BMPR1B: variants seen among roughly 807,000 people sequenced by gnomAD.
The protein encoded by BMPR1B is bone morphogenetic protein receptor type-1B.
In BMPR1B, 12 loss-of-function variants were observed where a neutral mutation model predicts 59.1. That is an observed-to-expected ratio of 0.20 (90% CI 0.13 to 0.33). BMPR1B has a LOEUF of 0.33. Ranked by LOEUF, BMPR1B falls within the 10% of genes least tolerant of loss-of-function variation. The pLI, the probability that BMPR1B is intolerant of heterozygous loss-of-function variation, is 1.00. For missense variants in BMPR1B, 550 were observed against 610.9 expected (o/e 0.90, Z 1.05); for synonymous variants, 237 against 207.3 (o/e 1.14, Z -1.23).
chr4:95,146,987 C>T (rs1734696676), intron 10 of BMPR1B, among the ~76,000 whole-genome samples: 1 of 152,130 alleles, frequency 6.6e-6, no homozygotes, highest in African/African-American at 2.4e-5. Flanking sequence ...ACATTTTAGC[C>T]TCTTTTTCCA....
intron 1 of BMPR1B, among the ~76,000 whole-genome samples, chr4:94,781,074 A>G (rs1722572620): frequency 6.6e-6 from 1 of 152,170 alleles, no homozygotes; most frequent in African/African-American, 2.4e-5. Flanking sequence ...TCTGATGGCT[A>G]ATGATATCAA....
intron 2 of BMPR1B, among the ~76,000 whole-genome samples, chr4:94,922,497 A>G (rs1299692696): frequency 3.9e-5 from 6 of 152,212 alleles, no homozygotes; most frequent in Non-Finnish European, 7.3e-5. Flanking sequence ...ATTAATTTCA[A>G]TAGTCTGTTG....
intron 1 of BMPR1B, among the ~76,000 whole-genome samples, chr4:94,835,031 A>G (rs1033342473): frequency 6.6e-6 from 1 of 151,564 alleles, no homozygotes; most frequent in African/African-American, 2.4e-5. Flanking sequence ...CCATTAATTT[A>G]TGCAGCTTCT....
chr4:94,843,935 A>G (rs1725206909), intron 1 of BMPR1B, among the ~76,000 whole-genome samples: 1 of 152,122 alleles, frequency 6.6e-6, no homozygotes, highest in South Asian at 2.1e-4. Flanking sequence ...AACTTCTAAG[A>G]CATATGAAAT....
rs147394574 is a variant in BMPR1B at position 95,003,375 on chromosome 4, C to G, written c.-18+7241C>G. On this transcript the variant is annotated intron_variant, in intron 3 of 12. Coordinates refer to ENST00000515059, the MANE Select transcript of BMPR1B (RefSeq NM_001203.3). ...AAATTTAAATCTTTAGGTTACCTTT[C>G]AGGTTGTTTTGCATTAACATTTTTA... 9.7e-4 allele frequency among the ~76,000 whole-genome samples: 147 copies of G among 152,108 alleles called. 1 individual carries two copies. The East Asian group carries it at 0.028, about 29-fold the overall frequency.
intron 3 of BMPR1B, among the ~76,000 whole-genome samples, chr4:95,087,750 A>AATAC (rs1375046156): frequency 6.6e-6 from 1 of 152,068 alleles, no homozygotes; most frequent in African/African-American, 2.4e-5. Context: ...TAAATAAATA[A>AATAC]AAGAAAGAAA....
At chr4:94,989,115 G>T (rs955830648) in intron 2 of BMPR1B, among the ~76,000 whole-genome samples, 17 of 152,052 alleles carry the variant, frequency 1.1e-4, no homozygotes, top group African/African-American at 3.9e-4. Context: ...TCACGGCCGG[G>T]TGCGATGGCT....
At chr4:95,130,932 G>A (rs1187476022) in intron 9 of BMPR1B, among the ~76,000 whole-genome samples, 4 of 151,892 alleles carry the variant, frequency 2.6e-5, no homozygotes, top group African/African-American at 4.8e-5. Flanking sequence ...GTTTCACCAT[G>A]TTGACCAGAG....
chr4:95,154,846 C>G lies in BMPR1B; in HGVS notation c.*173C>G, dbSNP rs909913807. ...AGCGACCTGGGCAAAGACAGAGAAGCTCCCAGAAGGAGAGATTGATCCATG... is the reference window on the plus strand; with the variant it reads ...AGCGACCTGGGCAAAGACAGAGAAGGTCCCAGAAGGAGAGATTGATCCATG... On this transcript the variant is annotated 3_prime_UTR_variant, in exon 13 of 13. Coordinates refer to ENST00000515059, the MANE Select transcript of BMPR1B (RefSeq NM_001203.3). The G allele has an allele frequency of 3.9e-5, 33 of 837,722 alleles. No homozygotes were observed. Among genetic ancestry groups the G allele is most frequent in the Non-Finnish European group, 5.8e-5 (31 of 533,322 alleles). 51.9% of individuals were successfully genotyped at this position (837,722 alleles called of 1,614,324 possible).
intron 2 of BMPR1B, among the ~76,000 whole-genome samples, chr4:94,923,705 T>C (rs1560549310): frequency 6.6e-6 from 1 of 152,150 alleles, no homozygotes; most frequent in Non-Finnish European, 1.5e-5. Flanking sequence ...TAAAATCAGA[T>C]GTGTTCTTGT....
At chr4:94,768,926 T>C (rs1212183318) in intron 1 of BMPR1B, among the ~76,000 whole-genome samples, 1 of 152,202 alleles carries the variant, frequency 6.6e-6, no homozygotes, top group African/African-American at 2.4e-5. Flanking sequence ...TCTAGACTTT[T>C]TATTCCTTTA....
chr4:94,976,168 T>G (rs1578871753), intron 2 of BMPR1B, among the ~76,000 whole-genome samples: 1 of 152,170 alleles, frequency 6.6e-6, no homozygotes, highest in Non-Finnish European at 1.5e-5. Flanking sequence ...TCACATGGGC[T>G]AATTTGGGCT....
chr4:95,098,933 G>A (rs1730624323), intron 3 of BMPR1B, among the ~76,000 whole-genome samples: 1 of 152,084 alleles, frequency 6.6e-6, no homozygotes, highest in African/African-American at 2.4e-5. Context: ...AGCCAGGATG[G>A]TCTGCATCCC....
At chr4:95,135,631 A>G (rs1472927457) in intron 10 of BMPR1B, among the ~76,000 whole-genome samples, 2 of 152,138 alleles carry the variant, frequency 1.3e-5, no homozygotes, top group African/African-American at 4.8e-5. Flanking sequence ...GCAATTGTGA[A>G]TGGGAGTTCA....
intron 1 of BMPR1B, among the ~76,000 whole-genome samples, chr4:94,786,491 G>A (rs1722767333): frequency 6.6e-6 from 1 of 151,212 alleles, no homozygotes; most frequent in South Asian, 2.1e-4. Flanking sequence ...CTCCCAAATA[G>A]CTAGGATTAT....
chr4:94,785,297 C>A (rs901031295), intron 1 of BMPR1B, among the ~76,000 whole-genome samples: 1 of 152,146 alleles, frequency 6.6e-6, no homozygotes, highest in Non-Finnish European at 1.5e-5. Context: ...AGAATTCAGG[C>A]AAAACTAATT....
At position 95,131,274 on chromosome 4, in the gene BMPR1B, G is replaced by T; in HGVS notation, c.838G>T (p.Asp280Tyr). The stretch of plus-strand genomic sequence containing the variant: ...CTGGACCCAGTTGTACCTAATCACA[G>T]ACTATCATGAAAATGGTTCCCTTTA... ...GSWTQLYLIT[D>Y]YHENGSLYDY... The change falls in exon 10 of 13, where the codon GAC (aspartate) becomes TAC (tyrosine). Residue 280 changes from aspartate (D) to tyrosine (Y), a missense_variant. Asp to Tyr is a radical substitution (Grantham distance 160). Around this residue, in one of 6 missense-constraint regions of BMPR1B, gnomAD observed 318 missense variants for 284.6 expected, o/e 1.12. Coordinates refer to ENST00000515059, the MANE Select transcript of BMPR1B (RefSeq NM_001203.3). 6.2e-7 allele frequency: 1 copy of T among 1,613,854 alleles called. No individual in the cohort carries two copies. Among genetic ancestry groups the T allele is most frequent in the Non-Finnish European group, 8.5e-7 (1 of 1,179,946 alleles).
chr4:95,147,120 C>T (rs1192994137), intron 10 of BMPR1B, among the ~76,000 whole-genome samples: 1 of 151,914 alleles, frequency 6.6e-6, no homozygotes, highest in Non-Finnish European at 1.5e-5. Context: ...TTTAAGAAAA[C>T]AGGCTAGTTA....
chr4:95,070,954 T>A (rs1453256288), intron 3 of BMPR1B, among the ~76,000 whole-genome samples: 3 of 152,150 alleles, frequency 2.0e-5, no homozygotes, highest in Admixed American at 6.5e-5. Flanking sequence ...GTTGAAAACA[T>A]GTTGAAGTAC....
Sources: gnomAD v4.1 joint callset for allele counts (sites outside exome capture counted in the v4.1 genomes callset) on GRCh38, gnomAD v4.1.1 for gene constraint, gnomAD v4.1.1 regional missense constraint, MANE v1.5 for transcripts, NCBI Gene and HGNC (gene_info 2026-07-23, HGNC 2026-07-21) for gene names.